The following VOPP1 variants were observed in gnomAD, a reference collection of about 807,000 sequenced individuals.
The protein encoded by VOPP1 is VOPP1 WW domain binding protein.
In VOPP1, 8 loss-of-function variants were observed where a neutral mutation model predicts 23.5. That is an observed-to-expected ratio of 0.34 (90% CI 0.20 to 0.61). The LOEUF (loss-of-function observed/expected upper bound fraction) is 0.61. VOPP1 is among the 20% of genes least tolerant of loss of function. VOPP1 has a pLI of 0.78. For synonymous variants in VOPP1, 83 were observed against 97.3 expected, an observed-to-expected ratio of 0.85 and a Z score of 0.86; for missense variants, 174 against 238.1, an observed-to-expected ratio of 0.73 and a Z score of 1.77.
intron 4 of VOPP1, among the ~76,000 whole-genome samples, chr7:55,481,283 G>T (rs1246024925): frequency 6.6e-6 from 1 of 152,234 alleles, no homozygotes; most frequent in African/African-American, 2.4e-5. Flanking sequence ...CAGGAGGGGT[G>T]CTGAGAGAAG....
chr7:55,556,154 T>C (rs1206948682), intron 1 of VOPP1, among the ~76,000 whole-genome samples: 1 of 152,228 alleles, frequency 6.6e-6, no homozygotes, highest in Non-Finnish European at 1.5e-5. Flanking sequence ...CCCAGCCACC[T>C]GCTGAGCTTC....
chr7:55,467,195 G>A (rs1027845939), downstream of VOPP1, among the ~76,000 whole-genome samples: 1 of 152,208 alleles, frequency 6.6e-6, no homozygotes, highest in Non-Finnish European at 1.5e-5. Context: ...ACAGGCCACA[G>A]AGCAGTACTG....
At chr7:55,488,574 C>T (rs141875418) in intron 4 of VOPP1, among the ~76,000 whole-genome samples, 10 of 152,300 alleles carry the variant, frequency 6.6e-5, no homozygotes, top group African/African-American at 2.4e-4. Flanking sequence ...GACCAGAAGC[C>T]TCTTTGCAAT....
chr7:55,559,871 T>C (rs1221626738), intron 1 of VOPP1, among the ~76,000 whole-genome samples: 1 of 152,202 alleles, frequency 6.6e-6, no homozygotes, highest in Non-Finnish European at 1.5e-5. Context: ...AAACCTTTAC[T>C]GGCCAGGCGC....
intron 4 of VOPP1, among the ~76,000 whole-genome samples, chr7:55,489,997 G>A (rs559251083): frequency 1.3e-5 from 2 of 152,122 alleles, no homozygotes; most frequent in African/African-American, 4.8e-5. Context: ...GGCGTGTGCA[G>A]GCCTCAGTGC....
downstream of VOPP1, among the ~76,000 whole-genome samples, chr7:55,468,271 G>GAAAAAAAAAAAAAA (rs747918983): frequency 3.7e-5 from 2 of 54,192 alleles, no homozygotes; most frequent in Non-Finnish European, 8.0e-5. Context: ...CTTCGTCTCA[G>GAAAAAAAAAAAAAA]AAAAAAAAAA....
intron 1 of VOPP1, among the ~76,000 whole-genome samples, chr7:55,568,315 G>A (rs752941993): frequency 5.9e-5 from 9 of 152,092 alleles, no homozygotes; most frequent in East Asian, 3.9e-4. Flanking sequence ...TCCTGAGCTC[G>A]TGATCCACCC....
At chr7:55,553,215 C>A (rs1286225596) in intron 1 of VOPP1, among the ~76,000 whole-genome samples, 2 of 152,210 alleles carry the variant, frequency 1.3e-5, no homozygotes, top group African/African-American at 4.8e-5. Context: ...AAAGGAGCTG[C>A]AGTTCCTCTG....
intron 4 of VOPP1, among the ~76,000 whole-genome samples, chr7:55,484,331 C>T (rs1399858175): frequency 6.6e-6 from 1 of 152,240 alleles, no homozygotes; most frequent in Non-Finnish European, 1.5e-5. Flanking sequence ...GGAGATTCAT[C>T]CTCGTGAGCC....
intron 2 of VOPP1, among the ~76,000 whole-genome samples, chr7:55,516,948 T>A (rs1361398526): frequency 0.019 from 2,002 of 106,336 alleles, 7 homozygotes; most frequent in Non-Finnish European, 0.031. Context: ...TTTTTTTTTT[T>A]TTTTTTTTTT....
intron 1 of VOPP1, chr7:55,537,553 G>A (rs1217006824): frequency 1.3e-6 from 2 of 1,535,884 alleles, no homozygotes; most frequent in East Asian, 2.4e-5. Flanking sequence ...GATGCAGGCA[G>A]CGCACCTCCT....
intron 4 of VOPP1, among the ~76,000 whole-genome samples, chr7:55,446,512 G>A (rs954884095): frequency 2.6e-5 from 4 of 152,078 alleles, no homozygotes; most frequent in African/African-American, 7.2e-5. Flanking sequence ...AAATTTCTAG[G>A]GAAAACAAAA....
At chr7:55,514,158 T>C (rs138978956) in intron 2 of VOPP1, among the ~76,000 whole-genome samples, 1,669 of 152,334 alleles carry the variant, frequency 0.011, 11 homozygotes, top group Middle Eastern at 0.02. Context: ...ATGAGGTGGT[T>C]GCTTTGTACT....
chr7:55,564,974 C>A (rs1033728168), intron 1 of VOPP1, among the ~76,000 whole-genome samples: 1 of 152,160 alleles, frequency 6.6e-6, no homozygotes, highest in South Asian at 2.1e-4. Context: ...TTGAAGCAAG[C>A]AATTGATCGA....
intron 1 of VOPP1, among the ~76,000 whole-genome samples, chr7:55,531,453 G>A (rs868270724): frequency 1.3e-5 from 2 of 151,274 alleles, no homozygotes; most frequent in African/African-American, 2.4e-5. Context: ...GGGTTCAAGC[G>A]ATTCTCTTGC....
chr7:55,503,724 G>C (rs1450969075), intron 2 of VOPP1, among the ~76,000 whole-genome samples: 1 of 152,166 alleles, frequency 6.6e-6, no homozygotes, highest in African/African-American at 2.4e-5. Context: ...AAGAGGGCTT[G>C]CTGCTTGCTC....
chr7:55,512,601 A>ATATC (rs1795147615), intron 2 of VOPP1, among the ~76,000 whole-genome samples: 1 of 152,176 alleles, frequency 6.6e-6, no homozygotes, highest in Non-Finnish European at 1.5e-5. Context: ...CTGCTCTTGA[A>ATATC]TATCTGCCCC....
At chr7:55,480,752 G>A (rs1369871747) in intron 4 of VOPP1, among the ~76,000 whole-genome samples, 1 of 152,152 alleles carries the variant, frequency 6.6e-6, no homozygotes, top group African/African-American at 2.4e-5. Context: ...AACATGTACT[G>A]CATATGCTGT....
intron 4 of VOPP1, among the ~76,000 whole-genome samples, chr7:55,443,817 G>C (rs1270616122): frequency 6.6e-6 from 1 of 151,678 alleles, no homozygotes; most frequent in Non-Finnish European, 1.5e-5. Flanking sequence ...GCTAATTTTT[G>C]TATTTTTCAG....
Sources: gnomAD v4.1 joint callset for allele counts (sites outside exome capture counted in the v4.1 genomes callset) on GRCh38, gnomAD v4.1.1 for gene constraint, MANE v1.5 for transcripts, NCBI Gene and HGNC (gene_info 2026-07-23, HGNC 2026-07-21) for gene names.